Variants in KAZN observed in about 807,000 individuals in gnomAD.
KAZN encodes the protein kazrin.
KAZN carries 40 observed loss-of-function variants against 87.4 expected under a neutral mutation model. That is an observed-to-expected ratio of 0.46 (90% CI 0.36 to 0.60). KAZN has a LOEUF of 0.60. Among genes scored for constraint, KAZN ranks in the 20% least tolerant of loss-of-function variants. The pLI is 0.00. For synonymous variants in KAZN, 466 were observed against 458.3 expected (o/e 1.02, Z -0.22); for missense variants, 898 against 1,073.9 (o/e 0.84, Z 2.29).
intron 2 of KAZN, among the ~76,000 whole-genome samples, chr1:14,299,045 G>A (rs1227755266): frequency 6.6e-6 from 1 of 152,138 alleles, no homozygotes; most frequent in African/African-American, 2.4e-5. Flanking sequence ...ATAGTTCAGT[G>A]GTTACAGAGT....
At chr1:13,927,567 A>G (rs1488627492) in intron 1 of KAZN, among the ~76,000 whole-genome samples, 1 of 151,936 alleles carries the variant, frequency 6.6e-6, no homozygotes, top group African/African-American at 2.4e-5. Context: ...CTTTGGACCT[A>G]TGTTCAAATC....
At chr1:14,342,562 A>C (rs934193428) in intron 2 of KAZN, among the ~76,000 whole-genome samples, 1 of 152,250 alleles carries the variant, frequency 6.6e-6, no homozygotes, top group African/African-American at 2.4e-5. Context: ...TAGGCCTTCA[A>C]TAAATGAATG....
intron 2 of KAZN, among the ~76,000 whole-genome samples, chr1:14,311,454 A>G (rs12037946): frequency 1.3e-5 from 2 of 152,208 alleles, no homozygotes; most frequent in Non-Finnish European, 2.9e-5. Context: ...AATTTCCTCC[A>G]TTAAGACAGT....
intron 2 of KAZN, among the ~76,000 whole-genome samples, chr1:14,343,104 C>G (rs1028756213): frequency 3.5e-4 from 53 of 152,256 alleles, no homozygotes; most frequent in African/African-American, 1.1e-3. Context: ...CGAGATTGCG[C>G]CATTGCACTC....
intron 2 of KAZN, among the ~76,000 whole-genome samples, chr1:14,568,936 C>T (rs1674697225): frequency 6.6e-6 from 1 of 152,210 alleles, no homozygotes; most frequent in Admixed American, 6.5e-5. Flanking sequence ...TTCCATTAGC[C>T]CTGGGGAAAT....
intron 1 of KAZN, among the ~76,000 whole-genome samples, chr1:13,936,658 G>A (rs1320501950): frequency 4.6e-5 from 7 of 152,102 alleles, no homozygotes; most frequent in African/African-American, 2.4e-5. Flanking sequence ...ATTTCACTTA[G>A]GATAATGGAC....
At chr1:14,879,553 G>A (rs1533980) in intron 1 of KAZN, among the ~76,000 whole-genome samples, 4,572 of 152,246 alleles carry the variant, frequency 0.03, 86 homozygotes, top group Non-Finnish European at 0.046. Context: ...CAATCCAGCA[G>A]TATCAGATGC....
At position 15,094,727 on chromosome 1, in the gene KAZN, G is replaced by T. The variant is rs968557341; in HGVS notation, c.1429-88G>T. The T allele has an allele frequency of 9.9e-6, 9 of 907,692 alleles. No homozygotes were observed. The highest frequency in any genetic ancestry group is 1.4e-5 in the Non-Finnish European group (8 of 589,640). The allele number at this position is 907,692 out of a possible 1,614,324, so 56.2% of individuals were successfully genotyped here. ...TGAAAGGTGGGCAGGAGATGGGGAAGGAGCCCCATGTCAACAGACCCCCTC... is the reference window on the plus strand; with the variant it reads ...TGAAAGGTGGGCAGGAGATGGGGAATGAGCCCCATGTCAACAGACCCCCTC... On this transcript the variant is annotated intron_variant, in intron 9 of 14. Coordinates refer to ENST00000376030, the MANE Select transcript of KAZN (RefSeq NM_201628.3). The surrounding 1 kb of genome is among the most constrained non-coding windows in gnomAD (Gnocchi z 4.5).
intron 1 of KAZN, among the ~76,000 whole-genome samples, chr1:14,077,285 C>T (rs1451734431): frequency 6.6e-6 from 1 of 152,164 alleles, no homozygotes; most frequent in Non-Finnish European, 1.5e-5. Flanking sequence ...TGGGACTCTT[C>T]TCTCCTAAAA....
At chr1:14,000,713 A>G (rs1639747077) in intron 1 of KAZN, among the ~76,000 whole-genome samples, 1 of 152,202 alleles carries the variant, frequency 6.6e-6, no homozygotes, top group Non-Finnish European at 1.5e-5. Context: ...CAATCAAGCA[A>G]GAGAAAGAAA....
chr1:14,264,195 C>T (rs1651300345), intron 2 of KAZN, among the ~76,000 whole-genome samples: 1 of 152,110 alleles, frequency 6.6e-6, no homozygotes, highest in Admixed American at 6.5e-5. Context: ...GGTTCTAAAC[C>T]TAAGTCTGCT....
chr1:14,146,032 T>A (rs909065709), intron 1 of KAZN, among the ~76,000 whole-genome samples: 19 of 152,226 alleles, frequency 1.2e-4, no homozygotes, highest in African/African-American at 4.3e-4. Flanking sequence ...TTCTCATTTA[T>A]GTTTGGAGAC....
At chr1:14,940,975 G>T (rs145035238) in intron 1 of KAZN, among the ~76,000 whole-genome samples, 2,521 of 138,508 alleles carry the variant, frequency 0.018, 85 homozygotes, top group African/African-American at 0.065. Context: ...GAGTGCAGTG[G>T]TGCAATCTCG....
chr1:14,485,153 A>G (rs1006995437), intron 2 of KAZN, among the ~76,000 whole-genome samples: 1 of 152,220 alleles, frequency 6.6e-6, no homozygotes, highest in Non-Finnish European at 1.5e-5. Context: ...AAAAGAGATC[A>G]AGTCTACTGA....
At chr1:14,342,235 A>G (rs1004940371) in intron 2 of KAZN, among the ~76,000 whole-genome samples, 2 of 152,200 alleles carry the variant, frequency 1.3e-5, no homozygotes, top group African/African-American at 4.8e-5. Context: ...CCAGTCTACC[A>G]TTGATGGGCA....
chr1:13,993,659 T>C (rs1194248147), intron 1 of KAZN, among the ~76,000 whole-genome samples: 1 of 152,222 alleles, frequency 6.6e-6, no homozygotes, highest in Non-Finnish European at 1.5e-5. Context: ...GAGCTTTCCC[T>C]CTTGTTGGGC....
intron 1 of KAZN, among the ~76,000 whole-genome samples, chr1:14,892,426 T>G (rs1221833989): frequency 6.7e-6 from 1 of 150,320 alleles, no homozygotes; most frequent in Non-Finnish European, 1.5e-5. Context: ...GCTGTCTCTC[T>G]TTCTCTCTGT....
intron 2 of KAZN, among the ~76,000 whole-genome samples, chr1:14,283,655 C>G (rs80129265): frequency 1.3e-5 from 2 of 152,050 alleles, no homozygotes; most frequent in Non-Finnish European, 2.9e-5. Context: ...CAAAATGGTG[C>G]GACCCCTTTG....
At chr1:14,131,259 T>A (rs1190381658) in intron 1 of KAZN, among the ~76,000 whole-genome samples, 1 of 152,182 alleles carries the variant, frequency 6.6e-6, no homozygotes, top group African/African-American at 2.4e-5. Context: ...ACACCGGGGA[T>A]TACAAATTTA....
Sources: allele counts gnomAD v4.1 joint callset (sites outside exome capture counted in the v4.1 genomes callset), GRCh38; gene constraint gnomAD v4.1.1; non-coding constraint Gnocchi (gnomAD v3.1); transcripts MANE v1.5; gene names NCBI Gene and HGNC (gene_info 2026-07-23, HGNC 2026-07-21).